Variants in SMCO4 observed in about 807,000 individuals in gnomAD.
SMCO4 encodes single-pass membrane and coiled-coil domain-containing protein 4.
A neutral mutation model predicts 3.6 loss-of-function variants in SMCO4; 4 were observed. That is an observed-to-expected ratio of 1.11 (90% CI 0.54 to 2.53). The LOEUF (loss-of-function observed/expected upper bound fraction) is 2.53, where lower values mean the gene tolerates loss of function less well. SMCO4 is among the 30% of genes most tolerant of loss of function. SMCO4 has a pLI of 0.02. For synonymous variants in SMCO4, 36 were observed against 35.3 expected (o/e 1.02, Z -0.07); for missense variants, 70 against 80.8 (o/e 0.87, Z 0.51).
chr11:93,478,689 T>A lies in SMCO4; in HGVS notation c.*321A>T. The stretch of plus-strand genomic sequence containing the variant: ...ATCCCTCTTCAGGTGGAGCTACTTA[T>A]CGATTTTTAGGAGAGAAAAAGAAGC... On this transcript the variant is annotated 3_prime_UTR_variant, in exon 3 of 3. Coordinates refer to ENST00000298966, the MANE Select transcript of SMCO4 (RefSeq NM_020179.3). 1 of 345,260 alleles carries A rather than the reference T, an allele frequency of 2.9e-6. No homozygotes were observed. Among genetic ancestry groups the A allele is most frequent in the Non-Finnish European group, 4.4e-6 (1 of 228,998 alleles). The allele number at this position is 345,260 out of a possible 1,614,324, so 21.4% of individuals were successfully genotyped here.
chr11:93,491,963 T>A (rs1948722922), intron 2 of SMCO4, among the ~76,000 whole-genome samples: 1 of 152,222 alleles, frequency 6.6e-6, no homozygotes, highest in East Asian at 1.9e-4. Flanking sequence ...GTTTATAACA[T>A]CTTTAAAATG....
intron 2 of SMCO4, among the ~76,000 whole-genome samples, chr11:93,492,225 C>A (rs1032914779): frequency 2.0e-5 from 3 of 152,202 alleles, no homozygotes; most frequent in Non-Finnish European, 4.4e-5. Context: ...ACTAACCATG[C>A]ACAGATTCAT....
intron 2 of SMCO4, among the ~76,000 whole-genome samples, chr11:93,493,415 C>T (rs764327193): frequency 1.3e-5 from 2 of 152,134 alleles, no homozygotes; most frequent in African/African-American, 2.4e-5. Flanking sequence ...AAGGGCTGCT[C>T]ATTCTCCTCT....
chr11:93,504,528 G>A (rs553157464), intron 1 of SMCO4, among the ~76,000 whole-genome samples: 7 of 152,330 alleles, frequency 4.6e-5, no homozygotes, highest in Admixed American at 2.6e-4. Flanking sequence ...TAATAAACAT[G>A]TAAATGTTTG....
At chr11:93,553,966 G>T in the SMCO4 span, among the ~76,000 whole-genome samples, 5 of 152,304 alleles carry the variant, frequency 3.3e-5, no homozygotes, top group East Asian at 9.6e-4. Flanking sequence ...TACTTCCAAA[G>T]CAGCAGGCAT....
chr11:93,479,335 G>A, intron 2 of SMCO4, 66 bp from the exon 3 acceptor site: 1 of 1,359,332 alleles, frequency 7.4e-7, no homozygotes. Context: ...ATCACTTAAA[G>A]GCAAATACAC....
chr11:93,546,547 C>T (rs528172980), upstream of SMCO4, among the ~76,000 whole-genome samples: 24 of 152,248 alleles, frequency 1.6e-4, no homozygotes, highest in African/African-American at 5.8e-4. Context: ...GATCATCTAA[C>T]CCACCACCTC....
At chr11:93,502,202 C>T (rs1245172017) in intron 1 of SMCO4, among the ~76,000 whole-genome samples, 1 of 152,134 alleles carries the variant, frequency 6.6e-6, no homozygotes, top group Non-Finnish European at 1.5e-5. Context: ...AAATGTACCT[C>T]CCTCATCCCA....
At chr11:93,515,846 G>A (rs1032676136) in intron 1 of SMCO4, among the ~76,000 whole-genome samples, 1 of 152,160 alleles carries the variant, frequency 6.6e-6, no homozygotes, top group Non-Finnish European at 1.5e-5. Context: ...TATGCTGGGC[G>A]GATTGGCAGC....
In SMCO4 at chr11:93,535,448, A is replaced by T. The variant is rs1034983569; in HGVS notation, c.-154+7828T>A. 4.3e-5 allele frequency: 58 copies of T among 1,337,004 alleles called. No homozygotes were observed. The Admixed American group carries it at 1.1e-3, about 24-fold the overall frequency. 82.8% of individuals were successfully genotyped at this position (1,337,004 alleles called of 1,614,324 possible). Reference sequence around the variant, plus strand: ...CACTGCTAGGGGCTTAAGCAGAGGGAGTCGAGCCAGAGTCGCCGCGATGGT... The same window carrying T: ...CACTGCTAGGGGCTTAAGCAGAGGGTGTCGAGCCAGAGTCGCCGCGATGGT... On this transcript the variant is annotated intron_variant, in intron 1 of 2. Coordinates refer to ENST00000298966, the MANE Select transcript of SMCO4 (RefSeq NM_020179.3).
upstream of SMCO4, chr11:93,543,558 C>T (rs1475764323): frequency 1.3e-5 from 2 of 152,446 alleles, no homozygotes; most frequent in African/African-American, 4.8e-5. Context: ...CTCGCCCGGC[C>T]TGCTGCTGCC....
At chr11:93,488,981 T>A (rs570373330) in intron 2 of SMCO4, among the ~76,000 whole-genome samples, 80 of 152,256 alleles carry the variant, frequency 5.3e-4, no homozygotes, top group African/African-American at 1.9e-3. Flanking sequence ...TCTGGCCACA[T>A]GCAGGTCCTC....
upstream of SMCO4, among the ~76,000 whole-genome samples, chr11:93,548,114 C>G (rs1949326297): frequency 2.0e-5 from 3 of 152,216 alleles, no homozygotes; most frequent in South Asian, 2.1e-4. Context: ...TGTGCATTCT[C>G]TGTAGCAGAA....
At chr11:93,514,153 A>T (rs1948983567) in intron 1 of SMCO4, among the ~76,000 whole-genome samples, 1 of 151,970 alleles carries the variant, frequency 6.6e-6, no homozygotes, top group Non-Finnish European at 1.5e-5. Flanking sequence ...CAGTGCAGAA[A>T]ATTAAAGTGG....
At chr11:93,489,751 G>A (rs906148816) in intron 2 of SMCO4, among the ~76,000 whole-genome samples, 1 of 152,086 alleles carries the variant, frequency 6.6e-6, no homozygotes. Context: ...TGTGTCCAAG[G>A]AGCCCCCTCT....
At chr11:93,532,592 A>G (rs930238287) in intron 1 of SMCO4, among the ~76,000 whole-genome samples, 76 of 152,146 alleles carry the variant, frequency 5.0e-4, no homozygotes, top group African/African-American at 1.6e-3. Flanking sequence ...CCTCTCATCT[A>G]TCTGTCTATG....
intron 2 of SMCO4, among the ~76,000 whole-genome samples, chr11:93,487,705 T>C (rs1242012110): frequency 6.6e-6 from 1 of 152,216 alleles, no homozygotes; most frequent in Non-Finnish European, 1.5e-5. Flanking sequence ...TTCTGTGCAT[T>C]ATTCATTTCA....
chr11:93,498,950 TG>T (rs1292877433), intron 2 of SMCO4, among the ~76,000 whole-genome samples: 1 of 151,996 alleles, frequency 6.6e-6, no homozygotes, highest in Admixed American at 6.6e-5. Flanking sequence ...AGTACTATGA[TG>T]GGGGGTGTGT....
intron 1 of SMCO4, among the ~76,000 whole-genome samples, chr11:93,520,378 C>G (rs1257304595): frequency 6.6e-6 from 1 of 152,132 alleles, no homozygotes; most frequent in Non-Finnish European, 1.5e-5. Flanking sequence ...CATGTTACCC[C>G]GTTTAATCCT....
Sources: gnomAD v4.1 joint callset for allele counts (sites outside exome capture counted in the v4.1 genomes callset) on GRCh38, gnomAD v4.1.1 for gene constraint, MANE v1.5 for transcripts, NCBI Gene and HGNC (gene_info 2026-07-23, HGNC 2026-07-21) for gene names.